DCDC1: variants seen among roughly 807,000 people sequenced by gnomAD.
The protein encoded by DCDC1 is doublecortin domain containing 1.
In DCDC1, 200 loss-of-function variants were observed where a neutral mutation model predicts 178.3. That is an observed-to-expected ratio of 1.12 (90% CI 1.00 to 1.26). The LOEUF (loss-of-function observed/expected upper bound fraction) is 1.26. DCDC1 is among the 50% of genes most tolerant of loss of function. The pLI is 0.00. For missense variants in DCDC1, 1,983 were observed against 1,749.2 expected, an observed-to-expected ratio of 1.13 and a Z score of -2.38; for synonymous variants, 690 against 604.8, an observed-to-expected ratio of 1.14 and a Z score of -2.07.
At position 31,049,102 on chromosome 11, in the gene DCDC1, A is replaced by T. The variant is rs187748723; in HGVS notation, c.2591+15367T>A. On this transcript the variant is annotated intron_variant, in intron 20 of 38. Transcript: ENST00000684477. ...TTGGTTAATTCTGTATTCCAGTTTT[A>T]AAACAATAAAAAATAAAAATGGATG... is the stretch of plus-strand genomic sequence containing the variant. 2.7e-3 allele frequency among the ~76,000 whole-genome samples: 411 copies of T among 152,370 alleles called. 5 individuals carry two copies. The highest frequency in any genetic ancestry group is 9.4e-3 in the African/African-American group (393 of 41,592).
At chr11:31,058,469 A>C (rs1330092672) in intron 20 of DCDC1, among the ~76,000 whole-genome samples, 2 of 152,136 alleles carry the variant, frequency 1.3e-5, no homozygotes, top group Non-Finnish European at 2.9e-5. Flanking sequence ...GGTAGCAATA[A>C]GTATCGTGAA....
chr11:31,205,948 A>T (rs1269500482), intron 9 of DCDC1, among the ~76,000 whole-genome samples: 2 of 152,198 alleles, frequency 1.3e-5, no homozygotes, highest in Non-Finnish European at 2.9e-5. Flanking sequence ...CCTCATAAAT[A>T]TCTATACCTA....
chr11:30,965,148 G>T (rs1014393471), intron 20 of DCDC1, among the ~76,000 whole-genome samples: 11 of 152,184 alleles, frequency 7.2e-5, no homozygotes, highest in Admixed American at 3.3e-4. Context: ...GTGGTGCCAT[G>T]GTCAGAACAC....
intron 9 of DCDC1, among the ~76,000 whole-genome samples, chr11:31,218,477 T>A (rs548404360): frequency 6.6e-6 from 1 of 152,182 alleles, no homozygotes; most frequent in Non-Finnish European, 1.5e-5. Flanking sequence ...TTCACTTTTT[T>A]AAAGCTATTA....
At chr11:31,135,104 A>T (rs1338522240) in intron 10 of DCDC1, among the ~76,000 whole-genome samples, 2 of 152,218 alleles carry the variant, frequency 1.3e-5, no homozygotes, top group Non-Finnish European at 1.5e-5. Context: ...TTCATGTGGA[A>T]AATTATGTGA....
intron 9 of DCDC1, among the ~76,000 whole-genome samples, chr11:31,170,179 C>A (rs1967036027): frequency 6.6e-6 from 1 of 152,154 alleles, no homozygotes; most frequent in African/African-American, 2.4e-5. Context: ...CTGCAGTAGT[C>A]CAGATGAAAG....
chr11:31,023,518 A>G (rs566555446), intron 20 of DCDC1, among the ~76,000 whole-genome samples: 1 of 152,212 alleles, frequency 6.6e-6, no homozygotes. Flanking sequence ...AAATGAGGAG[A>G]GACGCAGAAA....
intron 11 of DCDC1, among the ~76,000 whole-genome samples, chr11:31,115,607 G>A (rs560240494): frequency 1.3e-5 from 2 of 152,208 alleles, no homozygotes; most frequent in Admixed American, 1.3e-4. Flanking sequence ...GCATATTTCA[G>A]GTGAACATAA....
intron 20 of DCDC1, among the ~76,000 whole-genome samples, chr11:31,019,776 G>C (rs1952744798): frequency 6.6e-6 from 1 of 151,818 alleles, no homozygotes; most frequent in Non-Finnish European, 1.5e-5. Context: ...TTGCTTTTCT[G>C]CTCCAGTCAA....
chr11:30,978,677 C>T (rs1242826416), intron 20 of DCDC1, among the ~76,000 whole-genome samples: 7 of 151,774 alleles, frequency 4.6e-5, no homozygotes, highest in Non-Finnish European at 7.4e-5. Context: ...TTTTTGCTAA[C>T]GATAGAAACC....
chr11:31,089,920 A>T (rs1453616249), intron 17 of DCDC1, among the ~76,000 whole-genome samples: 1 of 152,110 alleles, frequency 6.6e-6, no homozygotes, highest in Non-Finnish European at 1.5e-5. Context: ...GGTCAGTTAC[A>T]ATTGATTGAT....
intron 1 of DCDC1, among the ~76,000 whole-genome samples, chr11:31,360,385 A>G (rs1191558081): frequency 6.6e-6 from 1 of 152,182 alleles, no homozygotes; most frequent in East Asian, 1.9e-4. Context: ...CTTATCTGCA[A>G]GGGATATGAT....
intron 22 of DCDC1, 111 bp from the exon 23 acceptor site, chr11:30,925,519 G>T: frequency 1.1e-6 from 1 of 908,466 alleles, no homozygotes; most frequent in South Asian, 1.6e-5. Context: ...TCTCTCTGCA[G>T]GACTGTTAGT....
At chr11:31,199,760 T>G (rs1971083503) in intron 9 of DCDC1, among the ~76,000 whole-genome samples, 1 of 152,136 alleles carries the variant, frequency 6.6e-6, no homozygotes, top group Non-Finnish European at 1.5e-5. Flanking sequence ...ATACTTTGTG[T>G]CTGATACCAA....
rs182199918 is a variant in DCDC1 at position 30,958,697 on chromosome 11, C to T, written c.2592-6129G>A. On this transcript the variant is annotated intron_variant, in intron 20 of 38. Coordinates refer to ENST00000684477, the MANE Select transcript of DCDC1 (RefSeq NM_001387274.1). ...GTAGAGGGAGGACTGGCCCTTCTTG[C>T]CATCACTTTCAAAAAGCTACTTCAG... 3.8e-3 allele frequency among the ~76,000 whole-genome samples: 580 copies of T among 152,188 alleles called. 5 individuals carry two copies. The highest frequency in any genetic ancestry group is 6.8e-3 in the Middle Eastern group (2 of 294).
intron 3 of DCDC1, among the ~76,000 whole-genome samples, chr11:31,321,257 G>A (rs1484533350): frequency 7.2e-5 from 6 of 83,124 alleles, no homozygotes; most frequent in Non-Finnish European, 1.2e-4. Context: ...CCCCAGCCTC[G>A]TTGCCGCCTT....
chr11:30,915,015 T>C (rs1222884851), intron 27 of DCDC1, among the ~76,000 whole-genome samples: 2 of 152,108 alleles, frequency 1.3e-5, no homozygotes, highest in East Asian at 1.9e-4. Flanking sequence ...TTGAATTAGG[T>C]TGATATATTT....
intron 7 of DCDC1, among the ~76,000 whole-genome samples, chr11:31,268,467 T>G (rs1156833508): frequency 6.6e-6 from 1 of 152,216 alleles, no homozygotes; most frequent in East Asian, 1.9e-4. Context: ...AGTGAGAACA[T>G]GTGGTATTTG....
Position 30,921,570 on chromosome 11 carries a change from C to T in DCDC1, c.3134-635G>A, listed in dbSNP as rs1017772975. Among the ~76,000 whole-genome samples the T allele has an allele frequency of 3.3e-5, 5 of 152,240 alleles. 1 individual carries two copies. In the East Asian group the frequency reaches 9.7e-4, roughly 29 times the overall value. On this transcript the variant is annotated intron_variant, in intron 24 of 38. Transcript: ENST00000684477. The stretch of plus-strand genomic sequence containing the variant: ...ATGGTTTCTCCAAAAGCCTGTAGCT[C>T]CCACTTACTGTATCAAGAGTTTAAC...
Sources: allele counts gnomAD v4.1 joint callset (sites outside exome capture counted in the v4.1 genomes callset), GRCh38; gene constraint gnomAD v4.1.1; transcripts MANE v1.5; gene names NCBI Gene and HGNC (gene_info 2026-07-23, HGNC 2026-07-21).